The following LRRC49 variants were observed in gnomAD, a reference collection of about 807,000 sequenced individuals.
The protein encoded by LRRC49 is leucine-rich repeat-containing protein 49.
LRRC49 carries 50 observed loss-of-function variants against 83.3 expected under a neutral mutation model. That is an observed-to-expected ratio of 0.60 (90% CI 0.48 to 0.76). LRRC49 has a LOEUF of 0.76. Among genes scored for constraint, LRRC49 ranks in the 30% least tolerant of loss-of-function variants. LRRC49 has a pLI of 0.00. For missense variants in LRRC49, 704 were observed against 809.1 expected (o/e 0.87, Z 1.58); for synonymous variants, 286 against 283.3 (o/e 1.01, Z -0.10).
chr15:70,905,032 T>C (rs1165749328), intron 5 of LRRC49, among the ~76,000 whole-genome samples: 2 of 152,188 alleles, frequency 1.3e-5, no homozygotes, highest in Non-Finnish European at 2.9e-5. Flanking sequence ...TTGGCCTTGA[T>C]TTTGTTTTCT....
In LRRC49 at chr15:70,858,529, G is replaced by T. The variant is rs140391340; in HGVS notation, c.-299+5060G>T. Among the ~76,000 whole-genome samples, 17 of 152,320 alleles carry T rather than the reference G, an allele frequency of 1.1e-4. No homozygotes were observed. The East Asian group carries it at 1.4e-3, about 12-fold the overall frequency. On this transcript the variant is annotated intron_variant, in intron 1 of 16. Transcript: ENST00000544974. ...TGAGGCAGGAAAATCGCTTGAACCCGGGACGTGGAGGTTGCAGTGAGCCGA... is the reference window on the plus strand; with the variant it reads ...TGAGGCAGGAAAATCGCTTGAACCCTGGACGTGGAGGTTGCAGTGAGCCGA...
chr15:70,944,051 T>C (rs546244560), intron 8 of LRRC49, among the ~76,000 whole-genome samples: 2 of 152,298 alleles, frequency 1.3e-5, no homozygotes, highest in Admixed American at 1.3e-4. Context: ...CTGCAGAATA[T>C]CTTGTATTAG....
upstream of LRRC49, chr15:70,892,755 G>A (rs1234198035): frequency 7.7e-6 from 12 of 1,564,616 alleles, no homozygotes; most frequent in Admixed American, 3.7e-5. Flanking sequence ...ATTCGGGAGA[G>A]GTCCAGACCG....
chr15:71,037,212 A>G lies in LRRC49; in HGVS notation c.1737A>G (p.Lys579=). ...AATTTCGGTATCTACTAGAATCCAA[A>G]GGAAAAAAACCTGGTATTATCAACG... is the stretch of plus-strand genomic sequence containing the variant. ...KKQFRYLLES[K]GKKPGIINEE... The change falls in exon 15 of 16, where the codon AAA becomes AAG. Residue 579 remains lysine, a synonymous_variant. Transcript: ENST00000260382. 1 of 1,610,172 alleles carries G rather than the reference A, an allele frequency of 6.2e-7. No homozygotes were observed. Among genetic ancestry groups the G allele is most frequent in the Non-Finnish European group, 8.5e-7 (1 of 1,178,236 alleles).
intron 8 of LRRC49, among the ~76,000 whole-genome samples, chr15:70,938,111 A>G (rs1384458321): frequency 6.6e-6 from 1 of 152,062 alleles, no homozygotes; most frequent in African/African-American, 2.4e-5. Context: ...CTTCTTGTTT[A>G]TGGGGAGTAA....
intron 9 of LRRC49, 89 bp downstream of exon 9, chr15:70,964,021 T>C (rs967912870): frequency 1.2e-5 from 16 of 1,285,666 alleles, no homozygotes; most frequent in Middle Eastern, 2.0e-4. Context: ...GAAATGCTTC[T>C]TAATTTTAGT....
At chr15:70,996,151 A>G (rs879382238) in intron 11 of LRRC49, among the ~76,000 whole-genome samples, 1 of 152,094 alleles carries the variant, frequency 6.6e-6, no homozygotes, top group Non-Finnish European at 1.5e-5. Flanking sequence ...CACAGAAGAT[A>G]TTTATATATG....
At chr15:71,041,435 T>C (rs1286355846) in intron 15 of LRRC49, among the ~76,000 whole-genome samples, 1 of 152,008 alleles carries the variant, frequency 6.6e-6, no homozygotes, top group Non-Finnish European at 1.5e-5. Flanking sequence ...TATAAGAAAA[T>C]TCAGTAATAT....
At chr15:70,858,561 G>A (rs1396348386) in intron 1 of LRRC49, among the ~76,000 whole-genome samples, 3 of 152,234 alleles carry the variant, frequency 2.0e-5, no homozygotes, top group African/African-American at 7.2e-5. Context: ...CCGAGATTGT[G>A]CCATTGCACT....
At chr15:70,892,411 C>T (rs1391351773), upstream of LRRC49, 3 of 1,539,738 alleles carry the variant, frequency 1.9e-6, no homozygotes, top group East Asian at 2.4e-5. Context: ...TTCCCTACCT[C>T]TGGTCACCGG....
At chr15:71,042,447 A>G (rs534331733) in intron 15 of LRRC49, among the ~76,000 whole-genome samples, 2 of 152,258 alleles carry the variant, frequency 1.3e-5, no homozygotes, top group East Asian at 1.9e-4. Flanking sequence ...GGAAAGAAAC[A>G]CTAATCTAAC....
chr15:71,003,952 T>G lies in LRRC49; in HGVS notation c.1170-4427T>G, dbSNP rs118001431. Among the ~76,000 whole-genome samples the G allele has an allele frequency of 5.4e-3, 829 of 152,280 alleles. 4 individuals carry two copies. The highest frequency in any genetic ancestry group is 7.5e-3 in the Non-Finnish European group (513 of 68,018). The stretch of plus-strand genomic sequence containing the variant: ...CATTCAGCCTCTCCCTACTATGTCC[T>G]CCACAAAGTTGATTGACTTATCTGT... On this transcript the variant is annotated intron_variant, in intron 11 of 15. Transcript: ENST00000260382.
rs1187551228 is a variant in LRRC49 at position 71,009,986 on chromosome 15, A to C, written c.1587A>C (p.Gly529=). ...ATTTCAGTATGCAGAAAATAAATGG[A>C]ACAGAGGTAAGCTAAAAACTAGATG... ...LSHFSMQKIN[G]TEVTQNDMIM... The change falls in exon 13 of 16, where the codon GGA becomes GGC. Residue 529 remains glycine, a synonymous_variant. Transcript: ENST00000260382. 8.9e-6 allele frequency: 14 copies of C among 1,576,188 alleles called. No individual in the cohort carries two copies. Among genetic ancestry groups the C allele is most frequent in the Non-Finnish European group, 1.2e-5 (14 of 1,158,320 alleles).
chr15:70,917,548 T>G (rs1343291176), intron 6 of LRRC49, among the ~76,000 whole-genome samples: 2 of 152,276 alleles, frequency 1.3e-5, no homozygotes, highest in East Asian at 3.9e-4. Context: ...CTCTAGGGCT[T>G]CCTCTCTGCT....
At chr15:70,932,772 C>T (rs532700738) in intron 7 of LRRC49, among the ~76,000 whole-genome samples, 6 of 136,208 alleles carry the variant, frequency 4.4e-5, no homozygotes, top group African/African-American at 1.4e-4. Flanking sequence ...CTCTGTTGTC[C>T]AGGCTAGAGT....
In LRRC49 at chr15:70,984,208, C is replaced by T. The variant is rs1233005300; in HGVS notation, c.1120C>T (p.Pro374Ser). 1.2e-6 allele frequency: 2 copies of T among 1,613,046 alleles called. No individual in the cohort carries two copies. Among genetic ancestry groups the T allele is most frequent in the East Asian group, 4.5e-5 (2 of 44,806 alleles). ...AAAAGATTCTGACTCTCCTCAGGAC[C>T]CCTGTCAGATTGATGGAAGCACCCT... The part of the protein sequence containing the change: ...DRKDSDSPQD[P>S]CQIDGSTLSA... The change falls in exon 11 of 16, where the codon CCC (proline) becomes TCC (serine). Residue 374 changes from proline (P) to serine (S), a missense_variant. Physicochemically the swap from Pro to Ser is moderately conservative, Grantham distance 74. Transcript: ENST00000260382.
intron 8 of LRRC49, among the ~76,000 whole-genome samples, chr15:70,958,348 T>C (rs1242524254): frequency 6.6e-6 from 1 of 152,228 alleles, no homozygotes; most frequent in East Asian, 1.9e-4. Flanking sequence ...TTCATGACTC[T>C]TTACAGTTCC....
chr15:70,969,962 C>T (rs1263496295), intron 9 of LRRC49, among the ~76,000 whole-genome samples: 1 of 152,112 alleles, frequency 6.6e-6, no homozygotes, highest in Non-Finnish European at 1.5e-5. Flanking sequence ...TCTGAATACC[C>T]TTTATTTCTT....
At position 70,883,822 on chromosome 15, in the gene LRRC49, T is replaced by C. The variant is rs561235757; in HGVS notation, c.19-9762T>C. On this transcript the variant is annotated intron_variant, in intron 2 of 16. Transcript: ENST00000544974. Reference sequence around the variant, plus strand: ...GGTGCCTGCCACCATGCCTGGCTAATTTTTTGTATTTTTAGTAGAGACAAT... The same window carrying C: ...GGTGCCTGCCACCATGCCTGGCTAACTTTTTGTATTTTTAGTAGAGACAAT... Among the ~76,000 whole-genome samples the C allele has an allele frequency of 2.4e-3, 364 of 151,694 alleles. 1 individual carries two copies. The highest frequency in any genetic ancestry group is 0.01 in the Middle Eastern group (3 of 290).
Sources: allele counts gnomAD v4.1 joint callset (sites outside exome capture counted in the v4.1 genomes callset), GRCh38; gene constraint gnomAD v4.1.1; transcripts MANE v1.5; gene names NCBI Gene and HGNC (gene_info 2026-07-23, HGNC 2026-07-21).